BRIP1: variants seen among roughly 807,000 people sequenced by gnomAD.
The protein encoded by BRIP1 is BRCA1 interacting DNA helicase 1, also known as Fanconi anemia group J protein.
Under a neutral mutation model 119.7 loss-of-function variants are expected in BRIP1, and 88 were observed. The ratio of observed to expected loss-of-function variants is 0.74; its 90% CI spans 0.62 to 0.88. BRIP1 has a LOEUF of 0.88. Among genes scored for constraint, BRIP1 ranks in the 40% least tolerant of loss-of-function variants. The probability of loss-of-function intolerance (pLI) is 0.00; values close to 1 mark genes in which losing one functional copy is unlikely to be tolerated. For missense variants in BRIP1, 1,259 were observed against 1,455.4 expected (o/e 0.87, Z 2.20); for synonymous variants, 443 against 496.5 (o/e 0.89, Z 1.43).
At chr17:61,786,758 AT>A (rs1466642220) in intron 10 of BRIP1, among the ~76,000 whole-genome samples, 8 of 135,520 alleles carry the variant, frequency 5.9e-5, no homozygotes, top group African/African-American at 2.2e-4. Context: ...TATATTATAT[AT>A]TTTATATATT....
At position 61,760,309 on chromosome 17, in the gene BRIP1, G is replaced by A. The variant is rs76967600; in HGVS notation, c.2098-15718C>T. ...AGGGATGCAGCAAACGTAGTCCTAA[G>A]AGGAAAGTTTACAATAACAAATGCC... On this transcript the variant is annotated intron_variant, in intron 14 of 19. Coordinates refer to ENST00000259008, the MANE Select transcript of BRIP1 (RefSeq NM_032043.3). This position sits in a 1 kb window ranked among gnomAD's most constrained non-coding sequence, Gnocchi z 4.6. 1.0e-3 allele frequency among the ~76,000 whole-genome samples: 157 copies of A among 151,966 alleles called. No individual in the cohort carries two copies. Among genetic ancestry groups the A allele is most frequent in the Non-Finnish European group, 1.8e-3 (124 of 67,854 alleles).
chr17:61,862,630 T>C lies in BRIP1; in HGVS notation c.-31+654A>G, dbSNP rs559026792. On this transcript the variant is annotated intron_variant, in intron 1 of 19. Transcript: ENST00000259008. This position sits in a 1 kb window ranked among gnomAD's most constrained non-coding sequence, Gnocchi z 5.3. ...TTTTTCTGAAGAAAAAGTCCATAGA[T>C]TTCTCTTCCCGTAAATATATCTCAA... 1.8e-4 allele frequency among the ~76,000 whole-genome samples: 27 copies of C among 152,156 alleles called. No individual in the cohort carries two copies. Among genetic ancestry groups the C allele is most frequent in the Non-Finnish European group, 3.4e-4 (23 of 68,014 alleles).
intron 13 of BRIP1, among the ~76,000 whole-genome samples, chr17:61,777,288 C>T (rs2077549254): frequency 6.6e-6 from 1 of 152,154 alleles, no homozygotes; most frequent in African/African-American, 2.4e-5. Flanking sequence ...TTTTCCTTTG[C>T]TCTCACACCA....
chr17:61,796,559 C>A lies in BRIP1; in HGVS notation c.1340+2541G>T, dbSNP rs1334034309. ...GTGGCACCTGTGTCAAAAATGAGTTCACTGTAGGTGTGTGGATTTGTTTCT... is the reference window on the plus strand; with the variant it reads ...GTGGCACCTGTGTCAAAAATGAGTTAACTGTAGGTGTGTGGATTTGTTTCT... On this transcript the variant is annotated intron_variant, in intron 9 of 19. Transcript: ENST00000259008. The surrounding 1 kb of genome is among the most constrained non-coding windows in gnomAD (Gnocchi z 4.8). 6.6e-6 allele frequency among the ~76,000 whole-genome samples: 1 copy of A among 151,934 alleles called. No homozygotes were observed. Among genetic ancestry groups the A allele is most frequent in the African/African-American group, 2.4e-5 (1 of 41,400 alleles).
At position 61,780,170 on chromosome 17, in the gene BRIP1, G is replaced by A. The variant is rs2145070693; in HGVS notation, c.1935+91C>T. On this transcript the variant is annotated intron_variant, in intron 13 of 19. Transcript: ENST00000259008. This position sits in a 1 kb window ranked among gnomAD's most constrained non-coding sequence, Gnocchi z 5.4. ...TTGAATTTCCTACCAAGATTTACTTGCTGGCACTTCAGGTATCTTCTAACT... is the reference window on the plus strand; with the variant it reads ...TTGAATTTCCTACCAAGATTTACTTACTGGCACTTCAGGTATCTTCTAACT... 1 of 1,344,660 alleles carries A rather than the reference G, an allele frequency of 7.4e-7. No individual in the cohort carries two copies. Among genetic ancestry groups the A allele is most frequent in the South Asian group, 1.3e-5 (1 of 79,434 alleles). 83.3% of individuals were successfully genotyped at this position (1,344,660 alleles called of 1,614,324 possible).
At position 61,770,961 on chromosome 17, in the gene BRIP1, C is replaced by A. The variant is rs541948656; in HGVS notation, c.2097+5440G>T. Among the ~76,000 whole-genome samples, 1 of 152,136 alleles carries A rather than the reference C, an allele frequency of 6.6e-6. No individual in the cohort carries two copies. Among genetic ancestry groups the A allele is most frequent in the African/African-American group, 2.4e-5 (1 of 41,446 alleles). On this transcript the variant is annotated intron_variant, in intron 14 of 19. Coordinates refer to ENST00000259008, the MANE Select transcript of BRIP1 (RefSeq NM_032043.3). This position sits in a 1 kb window ranked among gnomAD's most constrained non-coding sequence, Gnocchi z 4.7. ...TTACATTAAACGTAAATGGAGTAAA[C>A]ACTCAAGTTAAAAGGCAGAGATAAG...
chr17:61,812,917 C>T (rs1170411611), intron 6 of BRIP1, among the ~76,000 whole-genome samples: 1 of 152,118 alleles, frequency 6.6e-6, no homozygotes, highest in East Asian at 1.9e-4. Context: ...CAAACGGTAA[C>T]ATACCACAAT....
rs1237205689 is a variant in BRIP1, at chr17:61,861,862, G to A, written c.-30-293C>T. 7.1e-6 allele frequency: 3 copies of A among 422,014 alleles called. No homozygotes were observed. Among genetic ancestry groups the A allele is most frequent in the Non-Finnish European group, 1.3e-5 (3 of 227,370 alleles). The allele number at this position is 422,014 out of a possible 1,614,324, so 26.1% of individuals were successfully genotyped here. On this transcript the variant is annotated intron_variant, in intron 1 of 19. Coordinates refer to ENST00000259008, the MANE Select transcript of BRIP1 (RefSeq NM_032043.3). The surrounding 1 kb of genome is among the most constrained non-coding windows in gnomAD (Gnocchi z 4.5). ...GTGACTGCATGTACCCCATAGGATT[G>A]TGGTAATGATTAAGTGAAATAATGT... is the stretch of plus-strand genomic sequence containing the variant.
chr17:61,685,002 G>A (rs1285954746), intron 19 of BRIP1: 4 of 152,042 alleles, frequency 2.6e-5, no homozygotes, highest in Admixed American at 6.6e-5. Context: ...TGATCCACCC[G>A]CCTTGGATAT....
At position 61,706,616 on chromosome 17, in the gene BRIP1, T is replaced by A. The variant is rs894780533; in HGVS notation, c.2492+9335A>T. 6.6e-6 allele frequency among the ~76,000 whole-genome samples: 1 copy of A among 152,294 alleles called. No individual in the cohort carries two copies. The highest frequency in any genetic ancestry group is 3.4e-3 in the Middle Eastern group (1 of 294). ...TGATCCTACTACTACTTCTTGGTTT[T>A]TGAACTTTAGAACTTACGTACTGAT... is the stretch of plus-strand genomic sequence containing the variant. On this transcript the variant is annotated intron_variant, in intron 17 of 19. Transcript: ENST00000259008. The surrounding 1 kb of genome is among the most constrained non-coding windows in gnomAD (Gnocchi z 5.7).
chr17:61,835,605 A>G (rs978713175), intron 6 of BRIP1, among the ~76,000 whole-genome samples: 1 of 152,030 alleles, frequency 6.6e-6, no homozygotes, highest in African/African-American at 2.4e-5. Flanking sequence ...GATAGTGGGA[A>G]TTGGTGAATA....
At position 61,772,157 on chromosome 17, in the gene BRIP1, TTATATATATATATATATATATATATA is replaced by T. The variant is rs71150699; in HGVS notation, c.2097+4218_2097+4243del. Reference sequence around the variant, plus strand: ...GATGAATGGATAAGCAAATGTGAGATTATATATATATATATATATATATATATATATATATATATATATATATATAT... The same window carrying T: ...GATGAATGGATAAGCAAATGTGAGATTATATATATATATATATATATATAT... On this transcript the variant is annotated intron_variant, in intron 14 of 19. Coordinates refer to ENST00000259008, the MANE Select transcript of BRIP1 (RefSeq NM_032043.3). Among the ~76,000 whole-genome samples the T allele has an allele frequency of 7.0e-3, 540 of 76,858 alleles. 4 individuals are homozygous for T. Among genetic ancestry groups the T allele is most frequent in the South Asian group, 0.026 (50 of 1,944 alleles). The allele number at this position is 76,858 out of a possible 152,430, so 50.4% of individuals were successfully genotyped here. A position where few individuals can be genotyped will look rare whatever the true frequency, so the allele number is the denominator to read the frequency against.
chr17:61,772,208 T>TATATAA lies in BRIP1; in HGVS notation c.2097+4192_2097+4193insTTATAT, dbSNP rs1555599843. ...ATATATATATATATATATATATATA[T>TATATAA]AAAATGAAATATTATTCTGCCATAA... On this transcript the variant is annotated intron_variant, in intron 14 of 19. Coordinates refer to ENST00000259008, the MANE Select transcript of BRIP1 (RefSeq NM_032043.3). 4.1e-4 allele frequency among the ~76,000 whole-genome samples: 35 copies of TATATAA among 86,272 alleles called. 1 individual carries two copies. Among genetic ancestry groups the TATATAA allele is most frequent in the African/African-American group, 9.6e-4 (22 of 22,946 alleles). 56.6% of individuals were successfully genotyped at this position (86,272 alleles called of 152,430 possible). A position where few individuals can be genotyped will look rare whatever the true frequency, so the allele number is the denominator to read the frequency against.
chr17:61,686,405 A>T lies in BRIP1; in HGVS notation c.2576-240T>A, dbSNP rs773769540. Among the ~76,000 whole-genome samples the T allele has an allele frequency of 4.2e-4, 64 of 152,196 alleles. No individual in the cohort carries two copies. The highest frequency in any genetic ancestry group is 8.7e-4 in the Non-Finnish European group (59 of 68,028). On this transcript the variant is annotated intron_variant, in intron 18 of 19. Transcript: ENST00000259008. The surrounding 1 kb of genome is among the most constrained non-coding windows in gnomAD (Gnocchi z 5.4). Reference sequence around the variant, plus strand: ...CAAATGGAGAGAGCAAAGAGGCAGTAGAAGTAGGGCAGAGATGGGAAAACA... The same window carrying T: ...CAAATGGAGAGAGCAAAGAGGCAGTTGAAGTAGGGCAGAGATGGGAAAACA...
chr17:61,765,831 A>G (rs1370673895), intron 14 of BRIP1, among the ~76,000 whole-genome samples: 1 of 147,808 alleles, frequency 6.8e-6, no homozygotes, highest in Admixed American at 6.9e-5. Context: ...ATATTCATGC[A>G]CACACACACA....
At position 61,680,543 on chromosome 17, in the gene BRIP1, A is replaced by C. The variant is rs530482603; in HGVS notation, c.*2753T>G. 4.5e-5 allele frequency among the ~76,000 whole-genome samples: 6 copies of C among 133,078 alleles called. No individual in the cohort carries two copies. In the Admixed American group the frequency reaches 5.4e-4, roughly 12 times the overall value. The allele number at this position is 133,078 out of a possible 152,430, so 87.3% of individuals were successfully genotyped here. A position where few individuals can be genotyped will look rare whatever the true frequency, so the allele number is the denominator to read the frequency against. On this transcript the variant is annotated 3_prime_UTR_variant, in exon 20 of 20. Coordinates refer to ENST00000259008, the MANE Select transcript of BRIP1 (RefSeq NM_032043.3). ...CGCCCAGGCTGGAGTGCAGTGGCGC[A>C]ATCTCGGCTCACTGCAAGCTCCACC...
At chr17:61,797,488 T>A (rs2077919006) in intron 9 of BRIP1, among the ~76,000 whole-genome samples, 3 of 151,954 alleles carry the variant, frequency 2.0e-5, no homozygotes, top group Admixed American at 2.0e-4. Context: ...ACAATTTGCG[T>A]AGAATTGTCC....
chr17:61,808,467 G>A lies in BRIP1; in HGVS notation c.918C>T (p.Asn306=), dbSNP rs876660724. 5 of 1,611,342 alleles carry A rather than the reference G, an allele frequency of 3.1e-6. No individual in the cohort carries two copies. The highest frequency in any genetic ancestry group is 1.1e-5 in the South Asian group (1 of 91,022). ...EKCMELLDGK[N]GKSCYFYHGV... ...TCTAACACAAAATAACTTTACTCAC[G>A]TTTTTCCCATCTAGCAATTCCATGC... is the stretch of plus-strand genomic sequence containing the variant. Residue 306 remains asparagine (N), a splice_region_variant and synonymous_variant, in exon 7 of 20, where the codon AAC becomes AAT. Transcript: ENST00000259008. This position sits in a 1 kb window ranked among gnomAD's most constrained non-coding sequence, Gnocchi z 4.1.
chr17:61,693,615 T>G lies in BRIP1; in HGVS notation c.2493-103A>C, dbSNP rs1191193105. On this transcript the variant is annotated intron_variant, in intron 17 of 19. Coordinates refer to ENST00000259008, the MANE Select transcript of BRIP1 (RefSeq NM_032043.3). This position sits in a 1 kb window ranked among gnomAD's most constrained non-coding sequence, Gnocchi z 4.2. ...TTGGAAAAAAATCAATTTTATAGAT[T>G]CCTTTAAACAATTTGTTATTATCAG... is the stretch of plus-strand genomic sequence containing the variant. 6.5e-6 allele frequency: 6 copies of G among 918,696 alleles called. No individual in the cohort carries two copies. The South Asian group carries it at 7.0e-5, about 11-fold the overall frequency. 56.9% of individuals were successfully genotyped at this position (918,696 alleles called of 1,614,324 possible).
Sources: gnomAD v4.1 joint callset for allele counts (sites outside exome capture counted in the v4.1 genomes callset) on GRCh38, gnomAD v4.1.1 for gene constraint, Gnocchi (gnomAD v3.1) non-coding constraint, MANE v1.5 for transcripts, NCBI Gene and HGNC (gene_info 2026-07-23, HGNC 2026-07-21) for gene names.